NME7: variants seen among roughly 807,000 people sequenced by gnomAD.
The protein encoded by NME7 is NME/NM23 family member 7.
Under a neutral mutation model 49.1 loss-of-function variants are expected in NME7, and 41 were observed. The observed-to-expected ratio is 0.83, with a 90% confidence interval of 0.65 to 1.08. The LOEUF (loss-of-function observed/expected upper bound fraction) is 1.08. Among genes scored for constraint, NME7 ranks in the 50% least tolerant of loss-of-function variants. NME7 has a pLI of 0.00. For synonymous variants in NME7, 139 were observed against 150.6 expected, an observed-to-expected ratio of 0.92 and a Z score of 0.56; for missense variants, 423 against 463.4, an observed-to-expected ratio of 0.91 and a Z score of 0.80.
At chr1:169,238,753 T>C (rs1647965610) in intron 7 of NME7, among the ~76,000 whole-genome samples, 1 of 151,984 alleles carries the variant, frequency 6.6e-6, no homozygotes, top group Admixed American at 6.6e-5. Context: ...TCTCAGAAGC[T>C]CAAAGACAGA....
intron 10 of NME7, among the ~76,000 whole-genome samples, chr1:169,193,128 C>G (rs1571279989): frequency 6.6e-6 from 1 of 151,996 alleles, no homozygotes; most frequent in African/African-American, 2.4e-5. Context: ...CTGGGCAATA[C>G]AGTGAGACCC....
At chr1:169,207,648 C>T (rs577858798) in intron 10 of NME7, among the ~76,000 whole-genome samples, 26 of 152,158 alleles carry the variant, frequency 1.7e-4, no homozygotes, top group African/African-American at 6.0e-4. Context: ...AGAAAATAGT[C>T]TGAAAAATGC....
intron 10 of NME7, among the ~76,000 whole-genome samples, chr1:169,196,092 C>T (rs547712062): frequency 3.9e-5 from 6 of 152,070 alleles, no homozygotes; most frequent in Non-Finnish European, 5.9e-5. Context: ...TGGATTTCTG[C>T]GAATAAATTG....
At chr1:169,181,503 A>G (rs1659932707) in intron 10 of NME7, among the ~76,000 whole-genome samples, 1 of 151,650 alleles carries the variant, frequency 6.6e-6, no homozygotes, top group Non-Finnish European at 1.5e-5. Flanking sequence ...TCTCTTTGCA[A>G]CTCTAGGTCA....
chr1:169,347,273 G>A (rs187649588), intron 1 of NME7, among the ~76,000 whole-genome samples: 37 of 152,230 alleles, frequency 2.4e-4, no homozygotes, highest in African/African-American at 8.7e-4. Flanking sequence ...CAATTATTGG[G>A]GTAGTGAGCT....
intron 10 of NME7, among the ~76,000 whole-genome samples, chr1:169,172,358 GTGTA>G (rs1571262911): frequency 7.2e-6 from 1 of 139,428 alleles, no homozygotes; most frequent in East Asian, 2.6e-4. Context: ...GTGTGTGTAT[GTGTA>G]TGTGTGTACT....
chr1:169,153,733 T>C (rs1395304427), intron 11 of NME7, among the ~76,000 whole-genome samples: 1 of 152,172 alleles, frequency 6.6e-6, no homozygotes, highest in Non-Finnish European at 1.5e-5. Context: ...AGTTTCGTTC[T>C]GTCACCCAAG....
Position 169,229,600 on chromosome 1 carries a change from T to C in NME7, c.990+1118A>G, listed in dbSNP as rs1647506263. On this transcript the variant is annotated intron_variant, in intron 10 of 11. Transcript: ENST00000367811. ...TTGTTCTCCCCTACTGGGCTTAATC[T>C]AGCAGCACTTTGACACAAGATGATT... 2.0e-5 allele frequency among the ~76,000 whole-genome samples: 3 copies of C among 152,344 alleles called. No individual in the cohort carries two copies. The South Asian group carries it at 6.2e-4, about 32-fold the overall frequency.
intron 10 of NME7, among the ~76,000 whole-genome samples, chr1:169,176,115 T>C (rs1659741979): frequency 1.3e-5 from 2 of 152,120 alleles, no homozygotes; most frequent in African/African-American, 4.8e-5. Context: ...TTTGTACTAA[T>C]ACAGTTATGC....
intron 7 of NME7, 36 bp downstream of exon 7, chr1:169,287,267 T>A: frequency 7.0e-7 from 1 of 1,424,616 alleles, no homozygotes; most frequent in Non-Finnish European, 9.9e-7. Flanking sequence ...GCTCTCCTAT[T>A]AACAAAATGT....
intron 7 of NME7, chr1:169,284,772 G>A (rs1342743265): frequency 6.6e-6 from 1 of 152,080 alleles, no homozygotes; most frequent in Non-Finnish European, 1.5e-5. Context: ...ACGGTATAAG[G>A]AAGGGGTCCC....
intron 6 of NME7, among the ~76,000 whole-genome samples, chr1:169,289,357 G>T (rs769553440): frequency 6.6e-6 from 1 of 152,114 alleles, no homozygotes; most frequent in African/African-American, 2.4e-5. Flanking sequence ...TTCACTAGCA[G>T]TTTCTCAATG....
At chr1:169,155,762 GTTT>G (rs34178237) in intron 11 of NME7, among the ~76,000 whole-genome samples, 53,032 of 141,314 alleles carry the variant, frequency 0.38, 9,676 homozygotes, top group East Asian at 0.72. Context: ...TTACTGTTTA[GTTT>G]TTTTTTTTTT....
intron 3 of NME7, among the ~76,000 whole-genome samples, chr1:169,320,926 A>G (rs978216384): frequency 3.3e-5 from 5 of 152,218 alleles, no homozygotes; most frequent in Non-Finnish European, 7.3e-5. Context: ...ATTTTAGGGA[A>G]AAACAAAACA....
chr1:169,254,075 C>G (rs1475567124), intron 7 of NME7, among the ~76,000 whole-genome samples: 2 of 150,794 alleles, frequency 1.3e-5, no homozygotes, highest in African/African-American at 2.4e-5. Context: ...ATGCTGGCCT[C>G]ATAAAATGAG....
At chr1:169,294,327 C>T (rs1480876194) in intron 6 of NME7, among the ~76,000 whole-genome samples, 2 of 152,046 alleles carry the variant, frequency 1.3e-5, no homozygotes, top group Non-Finnish European at 2.9e-5. Context: ...TAGTAAGACA[C>T]AAGTCATGGT....
At position 169,313,604 on chromosome 1, in the gene NME7, A is replaced by G. The variant is rs527402053; in HGVS notation, c.279-3524T>C. On this transcript the variant is annotated intron_variant, in intron 3 of 11. Coordinates refer to ENST00000367811, the MANE Select transcript of NME7 (RefSeq NM_013330.5). Reference sequence around the variant, plus strand: ...TCATATGAAAATGCATATCTCACATATATTATTTACATATATGCAATACAC... The same window carrying G: ...TCATATGAAAATGCATATCTCACATGTATTATTTACATATATGCAATACAC... Among the ~76,000 whole-genome samples, 25 of 152,284 alleles carry G rather than the reference A, an allele frequency of 1.6e-4. No homozygotes were observed. The South Asian group carries it at 5.2e-3, about 32-fold the overall frequency.
At chr1:169,252,589 T>A (rs1225047892) in intron 7 of NME7, among the ~76,000 whole-genome samples, 1 of 152,176 alleles carries the variant, frequency 6.6e-6, no homozygotes, top group African/African-American at 2.4e-5. Context: ...GTCGATTTTG[T>A]CTTTTGCTGC....
At chr1:169,283,767 A>G (rs1416940879) in intron 7 of NME7, 1 of 152,156 alleles carries the variant, frequency 6.6e-6, no homozygotes, top group Non-Finnish European at 1.5e-5. Flanking sequence ...AATGTTGAAT[A>G]TTGGCCCCCA....
Sources: allele counts gnomAD v4.1 joint callset (sites outside exome capture counted in the v4.1 genomes callset), GRCh38; gene constraint gnomAD v4.1.1; transcripts MANE v1.5; gene names NCBI Gene and HGNC (gene_info 2026-07-23, HGNC 2026-07-21).